The following CACNA1C variants were observed in gnomAD, a reference collection of about 807,000 sequenced individuals.
CACNA1C encodes the protein voltage-dependent L-type calcium channel subunit alpha-1C.
Under a neutral mutation model 229.0 loss-of-function variants are expected in CACNA1C, and 30 were observed. The observed-to-expected ratio is 0.13, with a 90% CI of 0.10 to 0.18. The LOEUF (loss-of-function observed/expected upper bound fraction) is 0.18. Among genes scored for constraint, CACNA1C ranks in the 10% least tolerant of loss-of-function variants. The pLI, the probability that CACNA1C is intolerant of heterozygous loss-of-function variation, is 1.00. For synonymous variants in CACNA1C, 1,114 were observed against 1,132.5 expected, an observed-to-expected ratio of 0.98 and a Z score of 0.33; for missense variants, 1,658 against 2,845.0, an observed-to-expected ratio of 0.58 and a Z score of 9.49.
intron 9 of CACNA1C, among the ~76,000 whole-genome samples, chr12:2,549,058 A>C (rs908257348): frequency 6.6e-6 from 1 of 150,498 alleles, no homozygotes; most frequent in African/African-American, 2.4e-5. Context: ...TAGAAGAAAA[A>C]ATAATAATAA....
intron 3 of CACNA1C, among the ~76,000 whole-genome samples, chr12:2,229,193 T>A (rs1347172710): frequency 6.6e-6 from 1 of 152,086 alleles, no homozygotes; most frequent in Non-Finnish European, 1.5e-5. Flanking sequence ...ACTCCAAGCT[T>A]TAGTTTCAGT....
At chr12:2,584,646 G>A (rs771121469) in intron 16 of CACNA1C, 29 bp downstream of exon 16, 11 of 1,379,210 alleles carry the variant, frequency 8.0e-6, no homozygotes, top group Non-Finnish European at 1.1e-5. Context: ...CCAGGCCTGG[G>A]GCTCCAGGGC....
At chr12:2,241,972 C>G (rs567677617) in intron 3 of CACNA1C, among the ~76,000 whole-genome samples, 88 of 152,154 alleles carry the variant, frequency 5.8e-4, no homozygotes, top group Non-Finnish European at 1.2e-3. Flanking sequence ...GTGCCCTTGT[C>G]CCTGCCATCG....
intron 39 of CACNA1C, among the ~76,000 whole-genome samples, chr12:2,675,811 A>C (rs190783767): frequency 4.0e-4 from 61 of 152,298 alleles, no homozygotes; most frequent in African/African-American, 1.3e-3. Flanking sequence ...ATTGCAGAAC[A>C]TGCCTGCACT....
intron 9 of CACNA1C, among the ~76,000 whole-genome samples, chr12:2,545,705 A>T (rs1568342208): frequency 6.6e-6 from 1 of 152,254 alleles, no homozygotes; most frequent in Admixed American, 6.5e-5. Flanking sequence ...GTATTTCAAT[A>T]CCAAATGGCA....
In CACNA1C at chr12:2,639,080, G is replaced by T. The variant is rs950807572; in HGVS notation, c.3912+4700G>T. Among the ~76,000 whole-genome samples, 4 of 152,230 alleles carry T rather than the reference G, an allele frequency of 2.6e-5. No individual in the cohort carries two copies. The highest frequency in any genetic ancestry group is 9.6e-5 in the African/African-American group (4 of 41,464). On this transcript the variant is annotated intron_variant, in intron 30 of 46. Coordinates refer to ENST00000399655, the MANE Select transcript of CACNA1C (RefSeq NM_000719.7). This position sits in a 1 kb window ranked among gnomAD's most constrained non-coding sequence, Gnocchi z 4.2. ...AGATGCCGCTGAACAACTGCCAGGT[G>T]TCACAAGAGGACCGTCTTCAGGCCC... is the stretch of plus-strand genomic sequence containing the variant.
intron 3 of CACNA1C, among the ~76,000 whole-genome samples, chr12:2,305,283 C>T (rs2094923870): frequency 6.6e-6 from 1 of 152,218 alleles, no homozygotes; most frequent in Admixed American, 6.5e-5. Context: ...TCAGTCTCAT[C>T]ACTTTACTTG....
chr12:2,316,770 G>C (rs982060168), intron 3 of CACNA1C, among the ~76,000 whole-genome samples: 1 of 152,200 alleles, frequency 6.6e-6, no homozygotes, highest in Non-Finnish European at 1.5e-5. Flanking sequence ...GGCAGCCTGC[G>C]TGACTGTGCG....
chr12:2,386,369 T>C (rs1468717038), intron 3 of CACNA1C, among the ~76,000 whole-genome samples: 1 of 152,208 alleles, frequency 6.6e-6, no homozygotes, highest in Admixed American at 6.5e-5. Flanking sequence ...TCTTTCTGCC[T>C]CTTGAGCAAG....
At chr12:2,136,992 G>T (rs984734895) in intron 3 of CACNA1C, among the ~76,000 whole-genome samples, 1 of 151,282 alleles carries the variant, frequency 6.6e-6, no homozygotes, top group East Asian at 1.9e-4. Context: ...TTGAACTTGG[G>T]GCCTTCATGG....
intron 3 of CACNA1C, among the ~76,000 whole-genome samples, chr12:2,313,468 G>A (rs1245887708): frequency 6.6e-6 from 1 of 152,210 alleles, no homozygotes; most frequent in Non-Finnish European, 1.5e-5. Flanking sequence ...AAACTGGCTT[G>A]CAGGTCTTTG....
chr12:2,062,592 T>C (rs2057888970), intron 1 of CACNA1C, among the ~76,000 whole-genome samples: 1 of 152,232 alleles, frequency 6.6e-6, no homozygotes, highest in Non-Finnish European at 1.5e-5. Flanking sequence ...TCTTACTTGA[T>C]GGCTGCATGT....
chr12:2,534,928 C>T (rs1048502155), intron 9 of CACNA1C, among the ~76,000 whole-genome samples: 2 of 152,202 alleles, frequency 1.3e-5, no homozygotes, highest in African/African-American at 2.4e-5. Context: ...CATCAAAGAA[C>T]TCTATTATTG....
At chr12:2,245,310 T>C (rs2072623469) in intron 3 of CACNA1C, among the ~76,000 whole-genome samples, 1 of 152,186 alleles carries the variant, frequency 6.6e-6, no homozygotes, top group Admixed American at 6.5e-5. Context: ...CCATTCTCCA[T>C]TGAGAACCCT....
intron 1 of CACNA1C, among the ~76,000 whole-genome samples, chr12:2,026,959 C>G (rs922556847): frequency 1.3e-5 from 2 of 151,996 alleles, no homozygotes; most frequent in African/African-American, 4.8e-5. Flanking sequence ...GATGCTTTTC[C>G]TTCAGGTTTT....
At chr12:2,449,168 T>G (rs1027583006) in intron 4 of CACNA1C, 53 bp downstream of exon 4, 2 of 1,380,996 alleles carry the variant, frequency 1.4e-6, no homozygotes, top group South Asian at 1.7e-5. Flanking sequence ...TTGCGGGACT[T>G]TTCCTTAAGT....
chr12:1,972,446 C>T (rs2032723018), intron 1 of CACNA1C, among the ~76,000 whole-genome samples: 1 of 152,042 alleles, frequency 6.6e-6, no homozygotes, highest in Non-Finnish European at 1.5e-5. Context: ...TACACATGCA[C>T]ACACAGCTAC....
At chr12:1,990,797 C>A (rs955310986) in intron 1 of CACNA1C, among the ~76,000 whole-genome samples, 3 of 152,088 alleles carry the variant, frequency 2.0e-5, no homozygotes, top group Non-Finnish European at 4.4e-5. Context: ...AACATGTAAA[C>A]CATACATAAT....
intron 3 of CACNA1C, among the ~76,000 whole-genome samples, chr12:2,156,188 T>G (rs1215217841): frequency 6.6e-6 from 1 of 152,218 alleles, no homozygotes; most frequent in Admixed American, 6.5e-5. Context: ...CAAGAAATGA[T>G]GATCGCAAAG....
Sources: gnomAD v4.1 joint callset for allele counts (sites outside exome capture counted in the v4.1 genomes callset) on GRCh38, gnomAD v4.1.1 for gene constraint, Gnocchi (gnomAD v3.1) non-coding constraint, MANE v1.5 for transcripts, NCBI Gene and HGNC (gene_info 2026-07-23, HGNC 2026-07-21) for gene names.